The following SYBU variants were observed in gnomAD, a reference collection of about 807,000 sequenced individuals.
The protein encoded by SYBU is GOLSYN A protein.
A neutral mutation model predicts 35.9 loss-of-function variants in SYBU; 21 were observed. The ratio of observed to expected loss-of-function variants is 0.58; its 90% CI spans 0.41 to 0.84. The LOEUF (loss-of-function observed/expected upper bound fraction) is 0.84, where lower values mean the gene tolerates loss of function less well. SYBU is among the 40% of genes least tolerant of loss of function. The pLI, the probability that SYBU is intolerant of heterozygous loss-of-function variation, is 0.00. For synonymous variants in SYBU, 319 were observed against 324.3 expected (o/e 0.98, Z 0.18); for missense variants, 768 against 848.2 (o/e 0.91, Z 1.17).
chr8:109,591,352 A>G (rs535050743), intron 3 of SYBU, among the ~76,000 whole-genome samples: 1 of 152,258 alleles, frequency 6.6e-6, no homozygotes, highest in East Asian at 1.9e-4. Context: ...TGGGAACAGG[A>G]AAGTGTGGAT....
At chr8:109,625,101 G>C (rs1338520999) in intron 2 of SYBU, among the ~76,000 whole-genome samples, 2 of 151,890 alleles carry the variant, frequency 1.3e-5, no homozygotes, top group Non-Finnish European at 2.9e-5. Flanking sequence ...GAAATGAAAA[G>C]GGCACTGTGA....
chr8:109,638,389 A>G (rs1401798169), intron 2 of SYBU, among the ~76,000 whole-genome samples: 1 of 152,208 alleles, frequency 6.6e-6, no homozygotes, highest in East Asian at 1.9e-4. Flanking sequence ...AAAAATGGAT[A>G]GAGGCTACAT....
intron 3 of SYBU, among the ~76,000 whole-genome samples, chr8:109,612,731 G>T (rs55853436): frequency 0.3 from 46,105 of 151,860 alleles, 7,821 homozygotes; most frequent in African/African-American, 0.45. Flanking sequence ...TGTAATCCCA[G>T]TACTCTGGGA....
At position 109,632,959 on chromosome 8, in the gene SYBU, C is replaced by T. The variant is rs185575319; in HGVS notation, c.229+9769G>A. Reference sequence around the variant, plus strand: ...TTGCTCTAGCTCAGCAACTAGAAAACTGCCTTGCACACAATAAGTATTCAA... The same window carrying T: ...TTGCTCTAGCTCAGCAACTAGAAAATTGCCTTGCACACAATAAGTATTCAA... On this transcript the variant is annotated intron_variant, in intron 2 of 6. Coordinates refer to ENST00000276646, the MANE Select transcript of SYBU (RefSeq NM_001099754.2). 6.7e-4 allele frequency among the ~76,000 whole-genome samples: 102 copies of T among 152,298 alleles called. 5 individuals are homozygous for T. The highest frequency in any genetic ancestry group is 6.4e-3 in the Admixed American group (98 of 15,296).
intron 3 of SYBU, among the ~76,000 whole-genome samples, chr8:109,602,931 T>C (rs1017263793): frequency 1.3e-5 from 2 of 151,996 alleles, no homozygotes; most frequent in African/African-American, 4.8e-5. Context: ...AATAATGAAG[T>C]CACAAGAAAA....
At chr8:109,595,563 T>C (rs1824775352) in intron 3 of SYBU, among the ~76,000 whole-genome samples, 1 of 152,212 alleles carries the variant, frequency 6.6e-6, no homozygotes, top group African/African-American at 2.4e-5. Flanking sequence ...TAGGAGGGAC[T>C]CAAGTTAGGT....
chr8:109,645,638 T>G (rs576071264), upstream of SYBU: 41 of 285,172 alleles, frequency 1.4e-4, 2 homozygotes, highest in Admixed American at 1.4e-3. Flanking sequence ...TTTTTGTTTT[T>G]TTTTTTTTCC....
intron 3 of SYBU, among the ~76,000 whole-genome samples, chr8:109,615,587 G>T (rs1811645921): frequency 6.6e-6 from 1 of 152,086 alleles, no homozygotes. Context: ...GATGACATTA[G>T]AAATTTTAGG....
intron 2 of SYBU, among the ~76,000 whole-genome samples, chr8:109,641,091 T>C (rs1005678746): frequency 2.6e-5 from 4 of 152,236 alleles, no homozygotes; most frequent in African/African-American, 9.6e-5. Flanking sequence ...CATTATCCAC[T>C]GTGAAACATT....
intron 2 of SYBU, among the ~76,000 whole-genome samples, chr8:109,629,069 G>A (rs1813298809): frequency 1.3e-5 from 2 of 152,182 alleles, no homozygotes; most frequent in South Asian, 4.1e-4. Flanking sequence ...GGAATATGGT[G>A]CATTATGGAA....
intron 3 of SYBU, among the ~76,000 whole-genome samples, chr8:109,604,241 A>G (rs1417761592): frequency 6.6e-6 from 1 of 152,246 alleles, no homozygotes; most frequent in Non-Finnish European, 1.5e-5. Context: ...GGGCATACAT[A>G]GTATTTAAGT....
intron 1 of SYBU, among the ~76,000 whole-genome samples, chr8:109,669,149 T>C (rs1175710218): frequency 6.6e-6 from 1 of 151,824 alleles, no homozygotes; most frequent in Non-Finnish European, 1.5e-5. Context: ...GAGACCATCC[T>C]GGCTAACACG....
intron 4 of SYBU, 45 bp downstream of exon 4, chr8:109,586,015 A>G: frequency 7.2e-7 from 1 of 1,397,982 alleles, no homozygotes; most frequent in South Asian, 1.2e-5. Flanking sequence ...CAGGTGAGTC[A>G]CCTGTGTAAA....
intron 3 of SYBU, among the ~76,000 whole-genome samples, chr8:109,611,039 A>C (rs1811111421): frequency 6.6e-6 from 1 of 152,212 alleles, no homozygotes; most frequent in African/African-American, 2.4e-5. Context: ...TATCTGCATG[A>C]TCTACAATGC....
chr8:109,680,921 T>C (rs1171408421), exon 1 of SYBU: 1 of 152,236 alleles, frequency 6.6e-6, no homozygotes, highest in Non-Finnish European at 1.5e-5. Flanking sequence ...AGAATGCTAA[T>C]GCTAAAATTG....
At chr8:109,687,299 A>G (rs1817541850) in intron 1 of SYBU, among the ~76,000 whole-genome samples, 1 of 152,172 alleles carries the variant, frequency 6.6e-6, no homozygotes, top group Admixed American at 6.5e-5. Flanking sequence ...TTTCCAAACT[A>G]AAAAGGAAAA....
At chr8:109,585,948 C>T in intron 4 of SYBU, 112 bp downstream of exon 4, 1 of 731,794 alleles carries the variant, frequency 1.4e-6, no homozygotes, top group Non-Finnish European at 2.2e-6. Context: ...AAAAGCCTCA[C>T]TGAATAATAA....
rs184660396 is a variant in SYBU, at chr8:109,687,659, C to A, written c.-58+3674G>T. ...AAAAAGTGACAGAGATCATCCTGGG[C>A]TTCTAAGAATTACTTGGACCAAGTC... is the stretch of plus-strand genomic sequence containing the variant. On this transcript the variant is annotated intron_variant, in intron 1 of 7. Transcript: ENST00000422135. 2.0e-5 allele frequency among the ~76,000 whole-genome samples: 3 copies of A among 152,262 alleles called. No homozygotes were observed. The East Asian group carries it at 5.8e-4, about 29-fold the overall frequency.
intron 1 of SYBU, among the ~76,000 whole-genome samples, chr8:109,654,601 G>T (rs1276557379): frequency 6.6e-6 from 1 of 152,086 alleles, no homozygotes; most frequent in Non-Finnish European, 1.5e-5. Flanking sequence ...TTTACAGGCA[G>T]ATCTTATAGA....
Sources: allele counts gnomAD v4.1 joint callset (sites outside exome capture counted in the v4.1 genomes callset), GRCh38; gene constraint gnomAD v4.1.1; transcripts MANE v1.5; gene names NCBI Gene and HGNC (gene_info 2026-07-23, HGNC 2026-07-21).